Variants in MALL observed in about 807,000 individuals in gnomAD.
The protein encoded by MALL is MAL-like protein.
Under a neutral mutation model 10.3 loss-of-function variants are expected in MALL, and 2 were observed. That is an observed-to-expected ratio of 0.19 (90% CI 0.08 to 0.61). The LOEUF (loss-of-function observed/expected upper bound fraction) is 0.61. Among genes scored for constraint, MALL ranks in the 20% least tolerant of loss-of-function variants. The pLI is 0.88. For missense variants in MALL, 39 were observed against 115.2 expected (o/e 0.34, Z 3.03); for synonymous variants, 27 against 51.8 (o/e 0.52, Z 2.05).
chr2:110,115,157 G>A (rs1397989265), intron 1 of MALL, among the ~76,000 whole-genome samples: 2 of 152,150 alleles, frequency 1.3e-5, no homozygotes, highest in East Asian at 3.9e-4. Flanking sequence ...GTCAGCGGAC[G>A]TGACAATTAA....
chr2:110,097,095 C>CAAAAAAAA (rs71405880), intron 1 of MALL, among the ~76,000 whole-genome samples: 24 of 139,616 alleles, frequency 1.7e-4, no homozygotes, highest in Non-Finnish European at 2.5e-4. Context: ...CAAAACAAAA[C>CAAAAAAAA]AAAAAAAAAA....
intron 1 of MALL, chr2:110,097,395 A>G: frequency 2.2e-6 from 1 of 446,886 alleles, no homozygotes. Flanking sequence ...ATAATATGTA[A>G]ATTTAAAAAG....
At chr2:110,117,368 A>G (rs891283246), upstream of MALL, among the ~76,000 whole-genome samples, 1 of 152,106 alleles carries the variant, frequency 6.6e-6, no homozygotes, top group Non-Finnish European at 1.5e-5. Flanking sequence ...AAGAAAAACA[A>G]CCTTCTTAGG....
chr2:110,099,529 T>C (rs1678517060), intron 1 of MALL, among the ~76,000 whole-genome samples: 1 of 152,178 alleles, frequency 6.6e-6, no homozygotes. Flanking sequence ...AGCTTTTTCC[T>C]GTTACAAATG....
intron 1 of MALL, among the ~76,000 whole-genome samples, chr2:110,096,115 C>T (rs1428911075): frequency 6.6e-6 from 1 of 152,156 alleles, no homozygotes; most frequent in African/African-American, 2.4e-5. Context: ...CTCCGGGCGG[C>T]ACTCCAAGTC....
rs779073349 is a variant in MALL, at chr2:110,098,621, C to T, written c.106-6851G>A. On this transcript the variant is annotated intron_variant, in intron 1 of 3. Transcript: ENST00000272462. ...TGGTTTATCCACTCATTTGCTTATA[C>T]GCATTTGGGTTACTTCCACCTTTTG... Among the ~76,000 whole-genome samples, 9 of 152,162 alleles carry T rather than the reference C, an allele frequency of 5.9e-5. 1 individual carries two copies. The highest frequency in any genetic ancestry group is 3.9e-4 in the Admixed American group (6 of 15,282).
chr2:110,106,398 CAGGCTCCCCCA>C (rs760076882), intron 1 of MALL, among the ~76,000 whole-genome samples: 2 of 152,154 alleles, frequency 1.3e-5, no homozygotes, highest in Non-Finnish European at 2.9e-5. Context: ...GCACCCACCC[CAGGCTCCCCCA>C]AGGCACACAC....
At position 110,104,153 on chromosome 2, in the gene MALL, C is replaced by T. The variant is rs1678636800; in HGVS notation, c.105+11535G>A. Among the ~76,000 whole-genome samples the T allele has an allele frequency of 2.6e-5, 4 of 152,152 alleles. 1 individual carries two copies. In the South Asian group the frequency reaches 8.3e-4, roughly 32 times the overall value. Reference sequence around the variant, plus strand: ...GGTCTGAGCACTGGCAAGACAGAGACAGCTTCATCTATAGGTTTGAGCATC... The same window carrying T: ...GGTCTGAGCACTGGCAAGACAGAGATAGCTTCATCTATAGGTTTGAGCATC... On this transcript the variant is annotated intron_variant, in intron 1 of 3. Transcript: ENST00000272462.
upstream of MALL, chr2:110,115,998 G>A (rs1051572087): frequency 4.9e-5 from 19 of 389,892 alleles, no homozygotes; most frequent in Admixed American, 8.9e-5. Context: ...CCTGGCCGGC[G>A]GGGGGCACAG....
upstream of MALL, chr2:110,116,346 T>C (rs1339413156): frequency 6.6e-6 from 1 of 152,444 alleles, no homozygotes; most frequent in Non-Finnish European, 1.5e-5. Context: ...TTTTCCACTC[T>C]TGGGGACAGC....
chr2:110,101,342 CCT>C (rs1320799220), intron 1 of MALL, among the ~76,000 whole-genome samples: 2 of 152,152 alleles, frequency 1.3e-5, no homozygotes, highest in African/African-American at 4.8e-5. Context: ...ACTTCCAAAC[CCT>C]GAGTCACTGC....
At chr2:110,104,920 G>A (rs1678655487) in intron 1 of MALL, among the ~76,000 whole-genome samples, 1 of 152,152 alleles carries the variant, frequency 6.6e-6, no homozygotes, top group Admixed American at 6.5e-5. Flanking sequence ...ACTTACAATT[G>A]TTACTTGTCT....
At chr2:110,106,248 C>A (rs902843134) in intron 1 of MALL, among the ~76,000 whole-genome samples, 1 of 152,138 alleles carries the variant, frequency 6.6e-6, no homozygotes, top group African/African-American at 2.4e-5. Flanking sequence ...CCTGGGTGAG[C>A]TTGCAGCTTC....
At chr2:110,112,929 A>G (rs1261827834) in intron 1 of MALL, among the ~76,000 whole-genome samples, 1 of 151,012 alleles carries the variant, frequency 6.6e-6, no homozygotes. Context: ...AATACTATGC[A>G]GCCACAAAAA....
chr2:110,105,498 G>A (rs1046866188), intron 1 of MALL, among the ~76,000 whole-genome samples: 1 of 152,248 alleles, frequency 6.6e-6, no homozygotes, highest in Admixed American at 6.5e-5. Context: ...CAGAAGAGAA[G>A]GGTGCTGCCC....
chr2:110,117,610 TGTGTGTGTGTGTGTGA>T (rs1382144826), upstream of MALL, among the ~76,000 whole-genome samples: 1 of 132,878 alleles, frequency 7.5e-6, no homozygotes, highest in Non-Finnish European at 1.6e-5. Context: ...TGTGTGTGTG[TGTGTGTGTGTGTGTGA>T]GAGAGAGAGA....
At chr2:110,102,642 G>A (rs994713382) in intron 1 of MALL, among the ~76,000 whole-genome samples, 3 of 152,190 alleles carry the variant, frequency 2.0e-5, no homozygotes, top group African/African-American at 7.2e-5. Flanking sequence ...GCCACAGACC[G>A]GCATTCCTGC....
chr2:110,117,477 A>G (rs960505984), upstream of MALL, among the ~76,000 whole-genome samples: 1 of 152,036 alleles, frequency 6.6e-6, no homozygotes, highest in South Asian at 2.1e-4. Flanking sequence ...AGCAATTAGT[A>G]TATTAAGAAA....
At chr2:110,114,154 C>G (rs1335854919) in intron 1 of MALL, among the ~76,000 whole-genome samples, 1 of 152,086 alleles carries the variant, frequency 6.6e-6, no homozygotes, top group African/African-American at 2.4e-5. Flanking sequence ...CAGGACTTCT[C>G]CCCTGGCCTC....
Sources: gnomAD v4.1 joint callset for allele counts (sites outside exome capture counted in the v4.1 genomes callset) on GRCh38, gnomAD v4.1.1 for gene constraint, MANE v1.5 for transcripts, NCBI Gene and HGNC (gene_info 2026-07-23, HGNC 2026-07-21) for gene names.